Variants in MAPRE1 observed in about 807,000 individuals in gnomAD.
MAPRE1 encodes the protein microtubule associated protein RP/EB family member 1.
In MAPRE1, 5 loss-of-function variants were observed where a neutral mutation model predicts 32.1. The observed-to-expected ratio is 0.16, with a 90% CI of 0.08 to 0.33. MAPRE1 has a LOEUF of 0.33. Among genes scored for constraint, MAPRE1 ranks in the 10% least tolerant of loss-of-function variants. MAPRE1 has a pLI of 1.00. For synonymous variants in MAPRE1, 122 were observed against 118.9 expected (o/e 1.03, Z -0.17); for missense variants, 209 against 327.2 (o/e 0.64, Z 2.79).
chr20:32,847,685 C>T (rs1983541116), intron 6 of MAPRE1, among the ~76,000 whole-genome samples: 1 of 152,100 alleles, frequency 6.6e-6, no homozygotes, highest in African/African-American at 2.4e-5. Context: ...TTAGTGGAGC[C>T]ACATCTTAAG....
chr20:32,830,465 G>A (rs978542373), intron 2 of MAPRE1, among the ~76,000 whole-genome samples: 26 of 152,100 alleles, frequency 1.7e-4, no homozygotes, highest in African/African-American at 6.0e-4. Flanking sequence ...TACTCCATTT[G>A]GGGCCATGAT....
chr20:32,838,875 G>T (rs182053120), intron 4 of MAPRE1, among the ~76,000 whole-genome samples: 1 of 152,306 alleles, frequency 6.6e-6, no homozygotes, highest in Admixed American at 6.5e-5. Flanking sequence ...TTCAAACCTG[G>T]CATGTAATAT....
chr20:32,845,215 A>AT (rs143162324), intron 5 of MAPRE1, among the ~76,000 whole-genome samples: 1,874 of 151,914 alleles, frequency 0.012, 35 homozygotes, highest in African/African-American at 0.043. Flanking sequence ...TAATTTTTAG[A>AT]TTTTTTTGTA....
At chr20:32,833,111 A>G (rs1405745726) in intron 2 of MAPRE1, among the ~76,000 whole-genome samples, 1 of 152,028 alleles carries the variant, frequency 6.6e-6, no homozygotes, top group East Asian at 1.9e-4. Flanking sequence ...CTGAGGTGGG[A>G]GGATCACTTG....
intron 2 of MAPRE1, among the ~76,000 whole-genome samples, chr20:32,826,499 T>TTC (rs1305913572): frequency 5.1e-5 from 7 of 137,234 alleles, no homozygotes; most frequent in Admixed American, 4.6e-4. Flanking sequence ...AGATTACAGG[T>TTC]GTGAGCCACC....
At position 32,834,008 on chromosome 20, in the gene MAPRE1, G is replaced by A. The variant is rs568133587; in HGVS notation, c.267+146G>A. 17 of 743,162 alleles carry A rather than the reference G, an allele frequency of 2.3e-5. No homozygotes were observed. In the South Asian group the frequency reaches 4.4e-4, roughly 19 times the overall value. The allele number at this position is 743,162 out of a possible 1,614,324, so 46.0% of individuals were successfully genotyped here. A position where few individuals can be genotyped will look rare whatever the true frequency, so the allele number is the denominator to read the frequency against. On this transcript the variant is annotated intron_variant, in intron 3 of 6. Transcript: ENST00000375571. Reference sequence around the variant, plus strand: ...TCTCAGTTAACACAGAATTTACTGGGAGCAGTTTGCCCCTACCTTCTTGCC... The same window carrying A: ...TCTCAGTTAACACAGAATTTACTGGAAGCAGTTTGCCCCTACCTTCTTGCC...
intron 3 of MAPRE1, among the ~76,000 whole-genome samples, chr20:32,835,361 G>T (rs1397497136): frequency 1.4e-5 from 1 of 69,600 alleles, no homozygotes; most frequent in Non-Finnish European, 2.3e-5. Flanking sequence ...TGTTTTTATT[G>T]GTGTTTTTTT....
chr20:32,832,841 C>CAGTG (rs1983076218), intron 2 of MAPRE1, among the ~76,000 whole-genome samples: 1 of 105,690 alleles, frequency 9.5e-6, no homozygotes, highest in Non-Finnish European at 1.7e-5. Flanking sequence ...TGAGACAGTG[C>CAGTG]AGTGGCCTGA....
intron 5 of MAPRE1, among the ~76,000 whole-genome samples, chr20:32,845,353 T>C (rs920392834): frequency 1.3e-5 from 2 of 152,216 alleles, no homozygotes; most frequent in Non-Finnish European, 2.9e-5. Context: ...TCTAGTACTT[T>C]ATTGAAACTT....
intron 6 of MAPRE1, among the ~76,000 whole-genome samples, chr20:32,847,368 A>G (rs1298709011): frequency 6.6e-6 from 1 of 152,164 alleles, no homozygotes; most frequent in African/African-American, 2.4e-5. Flanking sequence ...TAGATTTAGG[A>G]TTGTTATCCG....
At chr20:32,825,670 C>T (rs1360133879) in intron 1 of MAPRE1, among the ~76,000 whole-genome samples, 1 of 152,104 alleles carries the variant, frequency 6.6e-6, no homozygotes, top group Non-Finnish European at 1.5e-5. Flanking sequence ...TGGTACACGC[C>T]TGTAATCCCA....
intron 5 of MAPRE1, among the ~76,000 whole-genome samples, chr20:32,840,713 A>T (rs1242206670): frequency 6.6e-6 from 1 of 152,170 alleles, no homozygotes; most frequent in Non-Finnish European, 1.5e-5. Context: ...CTGAAACTTG[A>T]GGGAATTGAT....
At chr20:32,843,418 T>C (rs979852436) in intron 5 of MAPRE1, 2 of 152,204 alleles carry the variant, frequency 1.3e-5, no homozygotes, top group East Asian at 1.9e-4. Context: ...AAATTTACTT[T>C]TAGTTGATTT....
rs1983573935 is a variant in MAPRE1 at position 32,848,786 on chromosome 20, G to A, written c.*58G>A. 3 of 1,442,864 alleles carry A rather than the reference G, an allele frequency of 2.1e-6. No homozygotes were observed. Among genetic ancestry groups the A allele is most frequent in the East Asian group, 2.3e-5 (1 of 43,144 alleles). 89.4% of individuals were successfully genotyped at this position (1,442,864 alleles called of 1,614,324 possible). A position where few individuals can be genotyped will look rare whatever the true frequency, so the allele number is the denominator to read the frequency against. ...TTCACTCCAAATCATGTGCTTAACT[G>A]TAAAATACTCCCTTTTGTTATCCTT... On this transcript the variant is annotated 3_prime_UTR_variant, in exon 7 of 7. Transcript: ENST00000375571.
chr20:32,834,054 C>G, intron 3 of MAPRE1, among the ~76,000 whole-genome samples, 192 bp downstream of exon 3: 1 of 152,092 alleles, frequency 6.6e-6, no homozygotes, highest in East Asian at 1.9e-4. Flanking sequence ...TTGCTTGTTT[C>G]TTTCTTCATC....
intron 2 of MAPRE1, among the ~76,000 whole-genome samples, chr20:32,831,570 C>A (rs1277148925): frequency 2.0e-5 from 3 of 150,984 alleles, no homozygotes; most frequent in Admixed American, 6.6e-5. Flanking sequence ...GCTCTGTCTC[C>A]CAGGCTGGAG....
chr20:32,825,678 C>G (rs1601159613), intron 1 of MAPRE1, among the ~76,000 whole-genome samples: 1 of 152,124 alleles, frequency 6.6e-6, no homozygotes, highest in East Asian at 1.9e-4. Context: ...GCCTGTAATC[C>G]CAGCTACTCG....
chr20:32,844,019 A>G (rs866340273), intron 5 of MAPRE1, among the ~76,000 whole-genome samples: 6 of 151,972 alleles, frequency 3.9e-5, no homozygotes, highest in African/African-American at 1.2e-4. Context: ...ACGCCCAGCT[A>G]ATTCTTGTAT....
chr20:32,836,684 A>G lies in MAPRE1; in HGVS notation c.318A>G (p.Glu106=), dbSNP rs905632074. ...AAGGAAAGTTTCAGGACAATTTTGA[A>G]TTCGTTCAGTGGTTCAAGAAGTTTT... ...LVKGKFQDNF[E]FVQWFKKFFD... is the part of the protein sequence containing the mutation. Residue 106 remains glutamate (E), a synonymous_variant, in exon 4 of 7, where the codon GAA becomes GAG. Transcript: ENST00000375571. 3 of 1,613,416 alleles carry G rather than the reference A, an allele frequency of 1.9e-6. No homozygotes were observed. Among genetic ancestry groups the G allele is most frequent in the African/African-American group, 1.3e-5 (1 of 74,898 alleles).
Sources: gnomAD v4.1 joint callset for allele counts (sites outside exome capture counted in the v4.1 genomes callset) on GRCh38, gnomAD v4.1.1 for gene constraint, MANE v1.5 for transcripts, NCBI Gene and HGNC (gene_info 2026-07-23, HGNC 2026-07-21) for gene names.